Variants in WWOX observed in about 807,000 individuals in gnomAD.
WWOX encodes the protein WW domain containing oxidoreductase.
WWOX carries 69 observed loss-of-function variants against 46.2 expected under a neutral mutation model. The observed-to-expected ratio is 1.49, with a 90% CI of 1.23 to 1.82. The LOEUF (loss-of-function observed/expected upper bound fraction) is 1.82, where lower values mean the gene tolerates loss of function less well. Among genes scored for constraint, WWOX ranks in the 40% most tolerant of loss-of-function variants. The pLI is 0.00. For missense variants in WWOX, 919 were observed against 542.6 expected, an observed-to-expected ratio of 1.69 and a Z score of -6.89; for synonymous variants, 359 against 202.6, an observed-to-expected ratio of 1.77 and a Z score of -6.56.
At chr16:78,369,414 T>C (rs1038346667) in intron 5 of WWOX, among the ~76,000 whole-genome samples, 2 of 152,166 alleles carry the variant, frequency 1.3e-5, no homozygotes, top group Admixed American at 6.5e-5. Flanking sequence ...GGAAGACTTA[T>C]TCCAGATTAT....
chr16:78,589,337 T>A lies in WWOX; in HGVS notation c.1056+156585T>A, dbSNP rs145833607. Among the ~76,000 whole-genome samples, 445 of 152,360 alleles carry A rather than the reference T, an allele frequency of 2.9e-3. 2 individuals carry two copies. The highest frequency in any genetic ancestry group is 0.01 in the African/African-American group (426 of 41,586). ...TAGTCCTCCTTGATGGGGGGACACA[T>A]GCCAGCCAGGTTACCTGATTCATCT... On this transcript the variant is annotated intron_variant, in intron 8 of 8. Coordinates refer to ENST00000566780, the MANE Select transcript of WWOX (RefSeq NM_016373.4).
chr16:78,595,652 A>T (rs2045471664), intron 8 of WWOX, among the ~76,000 whole-genome samples: 1 of 152,186 alleles, frequency 6.6e-6, no homozygotes, highest in African/African-American at 2.4e-5. Context: ...CTTGATGATG[A>T]GCCATACTCA....
intron 8 of WWOX, among the ~76,000 whole-genome samples, chr16:78,818,108 G>A (rs79073427): frequency 1.6e-3 from 237 of 152,306 alleles, no homozygotes; most frequent in African/African-American, 5.4e-3. Context: ...ATGTGGCCAG[G>A]CTTTTATAAA....
chr16:78,206,910 A>G (rs529706529), intron 5 of WWOX, among the ~76,000 whole-genome samples: 2 of 152,346 alleles, frequency 1.3e-5, no homozygotes, highest in African/African-American at 4.8e-5. Context: ...ATAGCTAATG[A>G]TACCTCTCCC....
chr16:79,070,307 T>TGTGTGTGTGTGTGTGTGTGTG (rs1567529197), intron 8 of WWOX, among the ~76,000 whole-genome samples: 1 of 150,338 alleles, frequency 6.7e-6, no homozygotes, highest in Admixed American at 6.6e-5. Flanking sequence ...TGTGTGTGTG[T>TGTGTGTGTGTGTGTGTGTGTG]TTTCCAGAAA....
intron 8 of WWOX, among the ~76,000 whole-genome samples, chr16:78,783,941 G>T (rs1022532132): frequency 6.6e-6 from 1 of 151,772 alleles, no homozygotes; most frequent in Non-Finnish European, 1.5e-5. Context: ...GGTGATGCTG[G>T]TGCTGTTGGT....
At chr16:78,337,623 G>A (rs534298602) in intron 5 of WWOX, among the ~76,000 whole-genome samples, 24 of 152,192 alleles carry the variant, frequency 1.6e-4, no homozygotes, top group African/African-American at 5.5e-4. Flanking sequence ...GTAGTTTCAC[G>A]CCTCTAAAAG....
At chr16:78,661,776 C>A (rs1040467786) in intron 8 of WWOX, among the ~76,000 whole-genome samples, 1 of 152,200 alleles carries the variant, frequency 6.6e-6, no homozygotes, top group Admixed American at 6.5e-5. Flanking sequence ...ATGGCTGACG[C>A]CCGTAATCCC....
chr16:78,723,554 C>CTTCTTTTCTTTTCTTTTCTTTT (rs2048743910), intron 8 of WWOX, among the ~76,000 whole-genome samples: 3 of 108,546 alleles, frequency 2.8e-5, no homozygotes, highest in South Asian at 3.9e-4. Flanking sequence ...GATTCCCAGC[C>CTTCTTTTCTTTTCTTTTCTTTT]TTCTTTTCTT....
At chr16:78,327,476 G>A (rs967890317) in intron 5 of WWOX, among the ~76,000 whole-genome samples, 3 of 152,094 alleles carry the variant, frequency 2.0e-5, no homozygotes, top group African/African-American at 4.8e-5. Flanking sequence ...GACACAGAAG[G>A]CTTCTGTGAG....
chr16:78,602,294 G>A (rs1275407048), intron 8 of WWOX, among the ~76,000 whole-genome samples: 1 of 152,140 alleles, frequency 6.6e-6, no homozygotes, highest in Admixed American at 6.5e-5. Context: ...GTGCAGTGGT[G>A]TAATCTCGGC....
At chr16:78,227,781 G>T (rs1310192342) in intron 5 of WWOX, among the ~76,000 whole-genome samples, 1 of 152,150 alleles carries the variant, frequency 6.6e-6, no homozygotes, top group Non-Finnish European at 1.5e-5. Context: ...GGAGGCTGAG[G>T]CAGGAGAATC....
At chr16:78,781,669 C>T (rs190099783) in intron 8 of WWOX, among the ~76,000 whole-genome samples, 11 of 152,220 alleles carry the variant, frequency 7.2e-5, no homozygotes, top group African/African-American at 2.6e-4. Flanking sequence ...TGCCTCTAAT[C>T]CTACCTGAAG....
intron 8 of WWOX, chr16:79,004,222 ACAT>A (rs1204594590): frequency 1.3e-5 from 2 of 152,332 alleles, no homozygotes; most frequent in African/African-American, 4.8e-5. Context: ...CTTCAGAACC[ACAT>A]CTAGCAATAG....
At chr16:78,424,813 G>C in intron 6 of WWOX, 57 bp from the exon 7 acceptor site, 2 of 1,598,462 alleles carry the variant, frequency 1.3e-6, no homozygotes, top group South Asian at 1.1e-5. Flanking sequence ...AAGGAGCATG[G>C]ATTATCCTTG....
intron 8 of WWOX, among the ~76,000 whole-genome samples, chr16:78,766,580 C>T (rs940632587): frequency 6.6e-6 from 1 of 152,180 alleles, no homozygotes; most frequent in African/African-American, 2.4e-5. Flanking sequence ...AGAGGGAGAG[C>T]TTGTCTCCTT....
chr16:78,476,844 C>A (rs967998128), intron 8 of WWOX, among the ~76,000 whole-genome samples: 2 of 152,014 alleles, frequency 1.3e-5, no homozygotes, highest in African/African-American at 4.8e-5. Context: ...TTGTTTTGTT[C>A]GTTTTTCTTT....
chr16:78,659,097 AAAACAAAC>A (rs376654230), intron 8 of WWOX, among the ~76,000 whole-genome samples: 13 of 150,138 alleles, frequency 8.7e-5, no homozygotes, highest in Admixed American at 5.3e-4. Context: ...GTCTCAAAAA[AAAACAAAC>A]AAACAAACAA....
At chr16:78,401,668 T>G (rs1422518596) in intron 6 of WWOX, among the ~76,000 whole-genome samples, 1 of 152,182 alleles carries the variant, frequency 6.6e-6, no homozygotes, top group Non-Finnish European at 1.5e-5. Flanking sequence ...GATTTTTTTT[T>G]TAATTGAGAC....
Sources: gnomAD v4.1 joint callset for allele counts (sites outside exome capture counted in the v4.1 genomes callset) on GRCh38, gnomAD v4.1.1 for gene constraint, MANE v1.5 for transcripts, NCBI Gene and HGNC (gene_info 2026-07-23, HGNC 2026-07-21) for gene names.